The following DPYD variants were observed in gnomAD, a reference collection of about 807,000 sequenced individuals.
The protein encoded by DPYD is dihydropyrimidine dehydrogenase.
In DPYD, 109 loss-of-function variants were observed where a neutral mutation model predicts 116.2. The ratio of observed to expected loss-of-function variants is 0.94; its 90% CI spans 0.80 to 1.10. The LOEUF is 1.10. Ranked by LOEUF, DPYD falls within the 50% of genes least tolerant of loss-of-function variation. The pLI, the probability that DPYD is intolerant of heterozygous loss-of-function variation, is 0.00. For missense variants in DPYD, 1,302 were observed against 1,254.5 expected (o/e 1.04, Z -0.57); for synonymous variants, 440 against 432.0 (o/e 1.02, Z -0.23).
In DPYD at chr1:97,203,101, T is replaced by G. The variant is rs1349484631; in HGVS notation, c.2443-9853A>C. On this transcript the variant is annotated intron_variant, in intron 19 of 22. Transcript: ENST00000370192. ...CTTGGCCACTGCTCTTCAGAGGCAG[T>G]AGGATTTTTCTACTAACATCGTTTC... Among the ~76,000 whole-genome samples the G allele has an allele frequency of 1.3e-5, 2 of 152,122 alleles. 1 individual carries two copies. The highest frequency in any genetic ancestry group is 1.3e-4 in the Admixed American group (2 of 15,252).
In DPYD at chr1:97,373,612, T is replaced by A. The variant is rs762083671; in HGVS notation, c.2007A>T (p.Leu669Phe). Residue 669 changes from leucine (L) to phenylalanine (F), a missense_variant, in exon 16 of 23, where the codon TTA becomes TTT. By Grantham distance (22) the Leu-to-Phe change is conservative. Transcript: ENST00000370192. The stretch of plus-strand genomic sequence containing the variant: ...TTTCTCCCATGCCATGTGGACATGA[T>A]AAATTTAACTCCAGGGCATCTGCTC... ...DSGADALELN[L>F]SCPHGMGERG... 1.2e-6 allele frequency: 2 copies of A among 1,613,762 alleles called. No individual in the cohort carries two copies. Among genetic ancestry groups the A allele is most frequent in the Non-Finnish European group, 1.7e-6 (2 of 1,179,826 alleles).
At chr1:97,811,305 T>C (rs1668340305) in intron 3 of DPYD, among the ~76,000 whole-genome samples, 1 of 152,112 alleles carries the variant, frequency 6.6e-6, no homozygotes, top group Non-Finnish European at 1.5e-5. Context: ...ATAAAGCTCA[T>C]GAAAATTTGC....
intron 8 of DPYD, among the ~76,000 whole-genome samples, chr1:97,601,743 G>A (rs1015295156): frequency 4.6e-5 from 7 of 151,940 alleles, no homozygotes; most frequent in African/African-American, 1.7e-4. Flanking sequence ...ATGGCCTATT[G>A]TGGTTCTTTT....
intron 13 of DPYD, among the ~76,000 whole-genome samples, chr1:97,463,179 T>C (rs1055101183): frequency 2.6e-4 from 40 of 152,348 alleles, no homozygotes; most frequent in South Asian, 2.1e-4. Context: ...CCAAATCTCA[T>C]CTTGAATTCT....
At chr1:97,725,162 C>A (rs1459124313) in intron 4 of DPYD, among the ~76,000 whole-genome samples, 1 of 151,282 alleles carries the variant, frequency 6.6e-6, no homozygotes, top group African/African-American at 2.4e-5. Flanking sequence ...TAGTAATGAA[C>A]AAACGAAAAA....
chr1:97,457,304 T>G (rs945004824), intron 13 of DPYD, among the ~76,000 whole-genome samples: 4 of 152,118 alleles, frequency 2.6e-5, no homozygotes, highest in African/African-American at 9.7e-5. Flanking sequence ...ACCTCTTGGA[T>G]AGTGTGTCAC....
chr1:97,245,061 G>C (rs1489268042), intron 18 of DPYD, among the ~76,000 whole-genome samples: 1 of 152,010 alleles, frequency 6.6e-6, no homozygotes, highest in African/African-American at 2.4e-5. Flanking sequence ...TTATTTTTAT[G>C]GTTAGACTGA....
chr1:97,812,713 C>T (rs1668397055), intron 3 of DPYD, among the ~76,000 whole-genome samples: 1 of 151,876 alleles, frequency 6.6e-6, no homozygotes, highest in South Asian at 2.1e-4. Context: ...TTTTTATAAA[C>T]AAGCAGAAAA....
At chr1:97,756,326 C>T (rs1046358429) in intron 3 of DPYD, among the ~76,000 whole-genome samples, 40 of 152,134 alleles carry the variant, frequency 2.6e-4, no homozygotes, top group African/African-American at 9.7e-4. Flanking sequence ...ACTTGGCAAT[C>T]ATTATCTTAT....
At chr1:97,548,272 A>G (rs1651051083) in intron 12 of DPYD, among the ~76,000 whole-genome samples, 1 of 152,170 alleles carries the variant, frequency 6.6e-6, no homozygotes, top group Admixed American at 6.5e-5. Context: ...TAATTAAATC[A>G]CAGAACAAAA....
At chr1:97,109,474 A>G (rs1651432231) in intron 20 of DPYD, among the ~76,000 whole-genome samples, 1 of 152,120 alleles carries the variant, frequency 6.6e-6, no homozygotes, top group East Asian at 1.9e-4. Context: ...TGGAATAAAA[A>G]TTGCCTTACA....
chr1:97,787,903 C>A (rs1307895429), intron 3 of DPYD, among the ~76,000 whole-genome samples: 4 of 152,136 alleles, frequency 2.6e-5, no homozygotes, highest in African/African-American at 9.7e-5. Context: ...ATATAAGAGA[C>A]AAGATTTAGT....
chr1:97,347,364 G>A (rs903241611), intron 16 of DPYD, among the ~76,000 whole-genome samples: 1 of 151,712 alleles, frequency 6.6e-6, no homozygotes, highest in African/African-American at 2.4e-5. Flanking sequence ...CATATTTTCC[G>A]TATCTAGTGA....
rs566181675 is a variant in DPYD at position 97,102,112 on chromosome 1, A to G, written c.2623-3480T>C. On this transcript the variant is annotated intron_variant, in intron 20 of 22. Coordinates refer to ENST00000370192, the MANE Select transcript of DPYD (RefSeq NM_000110.4). ...ATAATTTATTCATGGATCAATCTAA[A>G]GTTAATTGAGCATATTATGAAGTAG... Among the ~76,000 whole-genome samples, 3 of 152,114 alleles carry G rather than the reference A, an allele frequency of 2.0e-5. No individual in the cohort carries two copies. In the East Asian group the frequency reaches 5.8e-4, roughly 29 times the overall value.
intron 14 of DPYD, among the ~76,000 whole-genome samples, chr1:97,436,291 T>C (rs891824244): frequency 2.6e-5 from 4 of 152,060 alleles, no homozygotes; most frequent in African/African-American, 9.6e-5. Flanking sequence ...ATTGATATTA[T>C]GTAAGCGAGC....
Position 97,549,384 on chromosome 1 carries a change from C to A in DPYD, c.1524+176G>T, listed in dbSNP as rs2786525. Among the ~76,000 whole-genome samples the A allele has an allele frequency of 0.025, 3,820 of 152,156 alleles. 160 individuals are homozygous for A. The highest frequency in any genetic ancestry group is 0.087 in the African/African-American group (3,603 of 41,504). On this transcript the variant is annotated intron_variant, in intron 12 of 22. Transcript: ENST00000370192. The stretch of plus-strand genomic sequence containing the variant: ...CGCCTGGCCCAATTTTTAATCAACT[C>A]AACAGTTCTACTACCTAGTCTACAT...
intron 8 of DPYD, among the ~76,000 whole-genome samples, chr1:97,672,165 A>T (rs1659906260): frequency 6.6e-6 from 1 of 151,922 alleles, no homozygotes; most frequent in Middle Eastern, 3.2e-3. Flanking sequence ...GGGCTCAAAG[A>T]ACTCCCGGTC....
rs531799279 is a variant in DPYD at position 97,503,974 on chromosome 1, A to AT, written c.1740+11751dup. Among the ~76,000 whole-genome samples the AT allele has an allele frequency of 3.3e-5, 5 of 152,074 alleles. No homozygotes were observed. In the East Asian group the frequency reaches 7.8e-4, roughly 24 times the overall value. ...GCATTGAGATAAATCACAAAAATAA[A>AT]TTTTTCCCTTACAGAAATGTTCAAG... On this transcript the variant is annotated intron_variant, in intron 13 of 22. Coordinates refer to ENST00000370192, the MANE Select transcript of DPYD (RefSeq NM_000110.4).
intron 20 of DPYD, among the ~76,000 whole-genome samples, chr1:97,134,007 AAAAAAAAATATATATATATATATATATAT>A (rs1653545781): frequency 2.9e-4 from 13 of 44,200 alleles, no homozygotes; most frequent in South Asian, 8.5e-4. Context: ...TCAAAAAAAA[AAAAAAAAATATATATATATATATATATAT>A]ATATATATAT....
Sources: gnomAD v4.1 joint callset for allele counts (sites outside exome capture counted in the v4.1 genomes callset) on GRCh38, gnomAD v4.1.1 for gene constraint, MANE v1.5 for transcripts, NCBI Gene and HGNC (gene_info 2026-07-23, HGNC 2026-07-21) for gene names.